Variants in TAF1 observed in about 807,000 individuals in gnomAD.
TAF1 encodes the protein TATA-box binding protein associated factor 1.
In TAF1, 2 loss-of-function variants were observed where a neutral mutation model predicts 138.5. That is an observed-to-expected ratio of 0.01 (90% CI 0.01 to 0.05). The LOEUF (loss-of-function observed/expected upper bound fraction) is 0.05, where lower values mean the gene tolerates loss of function less well. Ranked by LOEUF, TAF1 falls within the 10% of genes least tolerant of loss-of-function variation. TAF1 has a pLI of 1.00. For missense variants in TAF1, 709 were observed against 1,478.0 expected, an observed-to-expected ratio of 0.48 and a Z score of 8.53; for synonymous variants, 437 against 503.2, an observed-to-expected ratio of 0.87 and a Z score of 1.76.
At chrX:71,424,414 C>CTT (rs140301261) in intron 32 of TAF1, among the ~76,000 whole-genome samples, 176 bp downstream of exon 32, 1 of 29,937 alleles carries the variant, frequency 3.3e-5, no homozygotes, top group African/African-American at 1.5e-4. Flanking sequence ...GTGCCAGGCT[C>CTT]TTTTTTTTTT....
intron 13 of TAF1, among the ~76,000 whole-genome samples, chrX:71,520,127 TTTTATTTA>T (rs202003899): frequency 5.2e-5 from 5 of 95,444 alleles, no homozygotes; most frequent in African/African-American, 8.2e-5. Context: ...AGGCATTTTA[TTTTATTTA>T]TTTATTTATT....
intron 24 of TAF1, among the ~76,000 whole-genome samples, chrX:71,399,880 C>A (rs948436810): frequency 7.4e-5 from 8 of 108,444 alleles, no homozygotes. Flanking sequence ...TACAGGCGCC[C>A]GCCACCACGC....
intron 22 of TAF1, among the ~76,000 whole-genome samples, chrX:71,394,825 T>G (rs1022845478): frequency 9.0e-6 from 1 of 110,660 alleles, no homozygotes; most frequent in Non-Finnish European, 1.9e-5. Flanking sequence ...TCCTCCTGCC[T>G]CAGCCTCCTG....
intron 6 of TAF1, 50 bp from the exon 7 acceptor site, chrX:71,378,185 C>T (rs2033620445): frequency 5.2e-6 from 6 of 1,150,430 alleles, no homozygotes; most frequent in East Asian, 3.0e-5. Context: ...AGCCTTAGGA[C>T]ATCTGGGATC....
At chrX:71,420,950 T>C (rs1159319533) in intron 28 of TAF1, among the ~76,000 whole-genome samples, 1 of 112,651 alleles carries the variant, frequency 8.9e-6, no homozygotes. Context: ...CCCGGAGGCC[T>C]GACCGCCTGC....
chrX:71,503,283 T>A (rs1288327144), intron 13 of TAF1, among the ~76,000 whole-genome samples: 276 of 92,781 alleles, frequency 3.0e-3, no homozygotes, highest in African/African-American at 0.011. Context: ...AAAAAATATA[T>A]ATATATATAT....
At chrX:71,395,002 T>C (rs1169419725) in intron 22 of TAF1, among the ~76,000 whole-genome samples, 1 of 112,414 alleles carries the variant, frequency 8.9e-6, no homozygotes, top group Non-Finnish European at 1.9e-5. Flanking sequence ...TGGCCTTAAA[T>C]GTGCATTTTC....
chrX:71,388,941 TGA>T, intron 17 of TAF1, 73 bp downstream of exon 17: 1 of 1,100,195 alleles, frequency 9.1e-7, no homozygotes, highest in Non-Finnish European at 1.2e-6. Flanking sequence ...CCCAGAGAGA[TGA>T]GAGAGAAGAT....
At chrX:71,514,209 AC>A (rs2039784609) in intron 13 of TAF1, among the ~76,000 whole-genome samples, 1 of 110,199 alleles carries the variant, frequency 9.1e-6, no homozygotes, top group Admixed American at 9.7e-5. Context: ...AGTTCTAGCT[AC>A]CCGGGAAGCT....
chrX:71,389,541 GTTT>G lies in TAF1; in HGVS notation c.2701-40_2701-38del, dbSNP rs756213103. 1,570 of 1,115,293 alleles carry G rather than the reference GTTT, an allele frequency of 1.4e-3. 5 individuals are homozygous for G. The highest frequency in any genetic ancestry group is 1.8e-3 in the Non-Finnish European group (1,489 of 825,928). 91.9% of individuals were successfully genotyped at this position (1,115,293 alleles called of 1,213,427 possible). A position where few individuals can be genotyped will look rare whatever the true frequency, so the allele number is the denominator to read the frequency against. On this transcript the variant is annotated intron_variant, in intron 17 of 37. Coordinates refer to ENST00000423759, the MANE Select transcript of TAF1 (RefSeq NM_004606.5). ...AGTAAAAAAAAAACTTGTGCTTTGT[GTTT>G]TTTAACTGACTGATTTATGCATGGA...
intron 13 of TAF1, among the ~76,000 whole-genome samples, chrX:71,498,118 G>C (rs1374253753): frequency 9.0e-6 from 1 of 111,557 alleles, no homozygotes; most frequent in Non-Finnish European, 1.9e-5. Flanking sequence ...AAGGACCAGA[G>C]TGCCTGGACT....
chrX:71,436,463 C>T (rs1337048711), intron 32 of TAF1, among the ~76,000 whole-genome samples: 1 of 109,056 alleles, frequency 9.2e-6, no homozygotes, highest in Admixed American at 9.9e-5. Flanking sequence ...GATCCGCCTG[C>T]CTCGGCCTCC....
Position 71,421,310 on chromosome X carries a change from G to T in TAF1, c.4386G>T (p.Gly1462=), listed in dbSNP as rs757969918. ...TCATCTCTTTCTGTTCCTCTACAGGGCCAAAACACTCATTGACTCAGATCT... is the reference window on the plus strand; with the variant it reads ...TCATCTCTTTCTGTTCCTCTACAGGTCCAAAACACTCATTGACTCAGATCT... ...LIVKNSATYN[G]PKHSLTQISQ... is the part of the protein sequence containing the mutation. The change falls in exon 29 of 38, where the codon GGG becomes GGT. Residue 1462 remains glycine (G), a splice_region_variant and synonymous_variant. Coordinates refer to ENST00000423759, the MANE Select transcript of TAF1 (RefSeq NM_004606.5). 8.3e-7 allele frequency: 1 copy of T among 1,197,797 alleles called. No individual in the cohort carries two copies. Among genetic ancestry groups the T allele is most frequent in the African/African-American group, 1.8e-5 (1 of 56,914 alleles).
intron 32 of TAF1, among the ~76,000 whole-genome samples, chrX:71,451,622 G>C (rs2037969612): frequency 9.1e-6 from 1 of 109,860 alleles, no homozygotes; most frequent in Non-Finnish European, 1.9e-5. Flanking sequence ...AGGACCCTGC[G>C]GCCTTCCGCA....
At chrX:71,397,722 A>G (rs1035826727) in intron 23 of TAF1, among the ~76,000 whole-genome samples, 4 of 111,100 alleles carry the variant, frequency 3.6e-5, no homozygotes, top group Non-Finnish European at 5.7e-5. Context: ...GGCTCTAGCA[A>G]TCTGCGTGCC....
At chrX:71,473,801 G>A (rs1439688128) in intron 13 of TAF1, among the ~76,000 whole-genome samples, 1 of 110,693 alleles carries the variant, frequency 9.0e-6, no homozygotes, top group Non-Finnish European at 1.9e-5. Flanking sequence ...GGGTATATAG[G>A]GAAGGAAGGT....
intron 3 of TAF1, 23 bp downstream of exon 3, chrX:71,368,193 T>C: frequency 8.4e-7 from 1 of 1,194,933 alleles, no homozygotes; most frequent in Non-Finnish European, 1.1e-6. Context: ...TGTATTGGCT[T>C]GAACATTCCA....
In TAF1 at chrX:71,385,046, G is replaced by A. The variant is rs752601825; in HGVS notation, c.2223G>A (p.Leu741=). The change falls in exon 14 of 38, where the codon CTG becomes CTA. Residue 741 remains leucine, a synonymous_variant. Transcript: ENST00000423759. ...GTTCTCTCCATCCTGGCCAATTGCT[G>A]CAAGTGAGGAATTCTTTCCTGTTTT... is the stretch of plus-strand genomic sequence containing the variant. The part of the protein sequence containing the change: ...FLGSLHPGQL[L]QAFENNLFRA... 1.7e-6 allele frequency: 2 copies of A among 1,192,434 alleles called. No homozygotes were observed. Among genetic ancestry groups the A allele is most frequent in the East Asian group, 3.0e-5 (1 of 33,598 alleles).
At chrX:71,491,873 G>C (rs992853552) in intron 13 of TAF1, 15 of 110,508 alleles carry the variant, frequency 1.4e-4, no homozygotes, top group African/African-American at 4.3e-4. Context: ...CACCGTGTTA[G>C]CCAGGATGGT....
Sources: gnomAD v4.1 joint callset for allele counts (sites outside exome capture counted in the v4.1 genomes callset) on GRCh38, gnomAD v4.1.1 for gene constraint, MANE v1.5 for transcripts, NCBI Gene and HGNC (gene_info 2026-07-23, HGNC 2026-07-21) for gene names.